XPO5: variants seen among roughly 807,000 people sequenced by gnomAD.
XPO5 encodes the protein exportin 5.
Under a neutral mutation model 160.6 loss-of-function variants are expected in XPO5, and 46 were observed. That is an observed-to-expected ratio of 0.29 (90% confidence interval 0.23 to 0.37). The LOEUF (loss-of-function observed/expected upper bound fraction) is 0.37, where lower values mean the gene tolerates loss of function less well. Ranked by LOEUF, XPO5 falls within the 10% of genes least tolerant of loss-of-function variation. The pLI is 1.00. For missense variants in XPO5, 1,090 were observed against 1,463.9 expected, an observed-to-expected ratio of 0.74 and a Z score of 4.17; for synonymous variants, 537 against 519.3, an observed-to-expected ratio of 1.03 and a Z score of -0.46.
chr6:43,575,164 C>A (rs931622610), intron 1 of XPO5, among the ~76,000 whole-genome samples: 1 of 152,118 alleles, frequency 6.6e-6, no homozygotes, highest in Admixed American at 6.5e-5. Context: ...GTTATCTTTG[C>A]GCAAAATAGC....
At chr6:43,524,672 T>C in intron 30 of XPO5, 37 bp from the exon 31 acceptor site, 2 of 1,603,170 alleles carry the variant, frequency 1.2e-6, no homozygotes, top group South Asian at 1.1e-5. Context: ...GGATGTAGGT[T>C]TGGATATTGC....
At chr6:43,533,186 A>G (rs1794094869) in intron 21 of XPO5, among the ~76,000 whole-genome samples, 2 of 150,068 alleles carry the variant, frequency 1.3e-5, no homozygotes, top group Admixed American at 6.7e-5. Flanking sequence ...CTTAAAATCT[A>G]TTCCTTTAAA....
chr6:43,523,664 GCCCTAACTC>G lies in XPO5; in HGVS notation c.*195_*203del, dbSNP rs749245738. 1.7e-5 allele frequency: 15 copies of G among 859,372 alleles called. 1 individual carries two copies. The South Asian group carries it at 2.0e-4, about 11-fold the overall frequency. 53.2% of individuals were successfully genotyped at this position (859,372 alleles called of 1,614,324 possible). On this transcript the variant is annotated 3_prime_UTR_variant, in exon 32 of 32. Coordinates refer to ENST00000265351, the MANE Select transcript of XPO5 (RefSeq NM_020750.3). ...GGGACATCTAGACAGAATAGTTTAA[GCCCTAACTC>G]CCTTTCTTGATACTTTAGTATAATT...
chr6:43,536,263 A>C (rs1205279367), intron 20 of XPO5, among the ~76,000 whole-genome samples: 3 of 151,772 alleles, frequency 2.0e-5, no homozygotes, highest in Non-Finnish European at 1.5e-5. Flanking sequence ...AAAAATATAA[A>C]AATTAGCCGG....
At chr6:43,530,382 C>G (rs1338671881) in intron 23 of XPO5, among the ~76,000 whole-genome samples, 2 of 151,868 alleles carry the variant, frequency 1.3e-5, no homozygotes, top group Non-Finnish European at 2.9e-5. Context: ...GATCATACCA[C>G]TGCACTCCAG....
intron 27 of XPO5, chr6:43,526,123 G>C: frequency 1.8e-6 from 1 of 563,946 alleles, no homozygotes; most frequent in Non-Finnish European, 3.1e-6. Context: ...CTGTACATGA[G>C]GGAAATGGGA....
chr6:43,568,824 A>G, intron 5 of XPO5, 87 bp from the exon 6 acceptor site: 1 of 1,183,762 alleles, frequency 8.4e-7, no homozygotes, highest in Non-Finnish European at 1.2e-6. Flanking sequence ...ATGCCCTTGA[A>G]TAATGATTCT....
chr6:43,542,059 A>G (rs1191886932), intron 20 of XPO5, among the ~76,000 whole-genome samples: 2 of 152,184 alleles, frequency 1.3e-5, no homozygotes, highest in African/African-American at 2.4e-5. Flanking sequence ...CTAGGATTAC[A>G]TGCATGAGCC....
intron 8 of XPO5, among the ~76,000 whole-genome samples, chr6:43,562,586 C>A (rs183245112): frequency 4.2e-4 from 64 of 152,254 alleles, no homozygotes; most frequent in Admixed American, 4.1e-3. Context: ...GTGTGAAAAG[C>A]AACTATATTA....
chr6:43,556,415 C>T (rs1333659397), intron 12 of XPO5, among the ~76,000 whole-genome samples: 1 of 150,838 alleles, frequency 6.6e-6, no homozygotes, highest in Non-Finnish European at 1.5e-5. Context: ...GTCCCAGTAA[C>T]TTGGGAGAGT....
At chr6:43,533,140 C>T (rs1794090497) in intron 21 of XPO5, among the ~76,000 whole-genome samples, 2 of 147,920 alleles carry the variant, frequency 1.4e-5, no homozygotes, top group Non-Finnish European at 3.0e-5. Flanking sequence ...CTCAAGAAAA[C>T]AAAACAAAAC....
intron 12 of XPO5, 145 bp from the exon 13 acceptor site, chr6:43,556,109 C>G: frequency 9.2e-7 from 1 of 1,083,606 alleles, no homozygotes. Context: ...AATAATCACT[C>G]AATAAAACTT....
In XPO5 at chr6:43,528,610, T is replaced by G. The variant is rs536662934; in HGVS notation, c.2775+218A>C. Among the ~76,000 whole-genome samples the G allele has an allele frequency of 4.6e-5, 7 of 152,284 alleles. No homozygotes were observed. The South Asian group carries it at 1.4e-3, about 32-fold the overall frequency. On this transcript the variant is annotated intron_variant, in intron 24 of 31. Coordinates refer to ENST00000265351, the MANE Select transcript of XPO5 (RefSeq NM_020750.3). ...AGTTAACAGGAGGTTAGGAGCAGAA[T>G]CTGCAACTGAAGCTGTCTTGTGGCA...
chr6:43,568,525 G>A (rs1762821493), intron 6 of XPO5, among the ~76,000 whole-genome samples, 186 bp downstream of exon 6: 1 of 152,020 alleles, frequency 6.6e-6, no homozygotes, highest in African/African-American at 2.4e-5. Context: ...AGGATCACTT[G>A]AGCTGGGGAG....
intron 13 of XPO5, 21 bp from the exon 14 acceptor site, chr6:43,553,524 C>CAT (rs775283344): frequency 3.9e-6 from 6 of 1,519,604 alleles, no homozygotes; most frequent in East Asian, 5.0e-5. Context: ...CACACACACA[C>CAT]ATACACACAC....
intron 20 of XPO5, among the ~76,000 whole-genome samples, chr6:43,538,139 CTTTTTTTTTTTTTTTTTTT>C (rs1160662301): frequency 2.0e-5 from 1 of 48,920 alleles, no homozygotes; most frequent in Non-Finnish European, 3.4e-5. Context: ...TAAGAGACAT[CTTTTTTTTTTTTTTTTTTT>C]TTTTTTTTTG....
intron 2 of XPO5, among the ~76,000 whole-genome samples, chr6:43,572,916 A>T (rs1763084201): frequency 1.3e-5 from 2 of 152,230 alleles, no homozygotes; most frequent in African/African-American, 4.8e-5. Flanking sequence ...CTTTTCAGAA[A>T]ATGCAGTTTT....
intron 20 of XPO5, among the ~76,000 whole-genome samples, chr6:43,540,769 T>A (rs1794651782): frequency 6.6e-6 from 1 of 152,196 alleles, no homozygotes; most frequent in Admixed American, 6.6e-5. Context: ...TGAGCCAACA[T>A]GCCCAGCCCC....
At chr6:43,545,439 G>A (rs1794916762) in intron 20 of XPO5, among the ~76,000 whole-genome samples, 1 of 151,954 alleles carries the variant, frequency 6.6e-6, no homozygotes, top group South Asian at 2.1e-4. Context: ...AGGTGTGGTG[G>A]CTCACTCCTG....
Sources: allele counts gnomAD v4.1 joint callset (sites outside exome capture counted in the v4.1 genomes callset), GRCh38; gene constraint gnomAD v4.1.1; transcripts MANE v1.5; gene names NCBI Gene and HGNC (gene_info 2026-07-23, HGNC 2026-07-21).